Variants in FOXN3 observed in about 807,000 individuals in gnomAD.
The protein encoded by FOXN3 is forkhead box N3.
A neutral mutation model predicts 38.4 loss-of-function variants in FOXN3; 7 were observed. The observed-to-expected ratio is 0.18, with a 90% CI of 0.10 to 0.34. The LOEUF (loss-of-function observed/expected upper bound fraction) is 0.34, where lower values mean the gene tolerates loss of function less well. Among genes scored for constraint, FOXN3 ranks in the 10% least tolerant of loss-of-function variants. The pLI, the probability that FOXN3 is intolerant of heterozygous loss-of-function variation, is 1.00. For synonymous variants in FOXN3, 230 were observed against 242.2 expected (o/e 0.95, Z 0.47); for missense variants, 456 against 613.4 (o/e 0.74, Z 2.71).
At chr14:89,211,041 T>G (rs1396274973) in intron 4 of FOXN3, among the ~76,000 whole-genome samples, 1 of 152,236 alleles carries the variant, frequency 6.6e-6, no homozygotes, top group Non-Finnish European at 1.5e-5. Flanking sequence ...CATAGTGGAT[T>G]TATTGTATTG....
At chr14:89,311,650 C>T (rs369489475) in intron 3 of FOXN3, among the ~76,000 whole-genome samples, 2 of 151,332 alleles carry the variant, frequency 1.3e-5, no homozygotes, top group East Asian at 3.9e-4. Context: ...CCGGATGAAA[C>T]CCCGTCTCTA....
intron 4 of FOXN3, among the ~76,000 whole-genome samples, chr14:89,240,564 T>C (rs1450736546): frequency 1.3e-5 from 2 of 152,122 alleles, no homozygotes; most frequent in African/African-American, 4.8e-5. Flanking sequence ...CAGAGAAAGC[T>C]ACATGATAAA....
intron 1 of FOXN3, among the ~76,000 whole-genome samples, chr14:89,463,065 C>T (rs141210411): frequency 0.036 from 5,424 of 151,082 alleles, 144 homozygotes; most frequent in African/African-American, 0.083. Flanking sequence ...CCAAGGAGGG[C>T]GGATCACGAG....
chr14:89,226,445 T>A (rs1295231433), intron 4 of FOXN3, among the ~76,000 whole-genome samples: 1 of 152,096 alleles, frequency 6.6e-6, no homozygotes, highest in African/African-American at 2.4e-5. Context: ...CCAGGTAAGT[T>A]TTAAATTTTT....
chr14:89,478,232 G>A (rs1196034195), intron 1 of FOXN3, among the ~76,000 whole-genome samples: 1 of 152,110 alleles, frequency 6.6e-6, no homozygotes, highest in African/African-American at 2.4e-5. Context: ...CTTGCTTTCT[G>A]CCATGATTGG....
intron 4 of FOXN3, among the ~76,000 whole-genome samples, chr14:89,203,617 C>T (rs984670129): frequency 3.9e-5 from 6 of 152,098 alleles, no homozygotes; most frequent in Admixed American, 6.6e-5. Flanking sequence ...TTTAAGGAAG[C>T]GGGGGCGTGT....
At chr14:89,508,194 G>C (rs540551594) in intron 1 of FOXN3, among the ~76,000 whole-genome samples, 1 of 152,290 alleles carries the variant, frequency 6.6e-6, no homozygotes, top group African/African-American at 2.4e-5. Flanking sequence ...TGGAACCACT[G>C]GGTGCATAAG....
upstream of FOXN3, among the ~76,000 whole-genome samples, chr14:89,420,593 A>G (rs1434014977): frequency 6.6e-6 from 1 of 152,190 alleles, no homozygotes; most frequent in Non-Finnish European, 1.5e-5. Context: ...GTTCCAAGAG[A>G]AATCGATGGC....
chr14:89,572,745 T>G (rs1476523411), intron 1 of FOXN3, among the ~76,000 whole-genome samples: 1 of 152,226 alleles, frequency 6.6e-6, no homozygotes. Context: ...ATTTTATTTC[T>G]GTGATGACAA....
chr14:89,390,039 G>A (rs894479135), intron 2 of FOXN3, among the ~76,000 whole-genome samples: 2 of 151,896 alleles, frequency 1.3e-5, no homozygotes, highest in Admixed American at 6.6e-5. Flanking sequence ...GGGCAACACA[G>A]TGAGACCTCA....
intron 2 of FOXN3, among the ~76,000 whole-genome samples, chr14:89,371,157 C>T (rs1277444566): frequency 6.6e-6 from 1 of 152,074 alleles, no homozygotes; most frequent in African/African-American, 2.4e-5. Context: ...CCAAGAGTCA[C>T]CAGGGTCAGA....
chr14:89,493,329 T>C (rs1357971146), intron 1 of FOXN3, among the ~76,000 whole-genome samples: 1 of 152,196 alleles, frequency 6.6e-6, no homozygotes. Context: ...AACGTGCACA[T>C]TGAAATCCAT....
intron 3 of FOXN3, among the ~76,000 whole-genome samples, chr14:89,336,169 C>A (rs11627071): frequency 1.3e-3 from 153 of 113,950 alleles, no homozygotes; most frequent in Middle Eastern, 4.5e-3. Context: ...CACACACACA[C>A]ACATTCATAA....
At chr14:89,284,701 T>C (rs1218888322) in intron 3 of FOXN3, among the ~76,000 whole-genome samples, 2 of 152,142 alleles carry the variant, frequency 1.3e-5, no homozygotes, top group East Asian at 1.9e-4. Flanking sequence ...AAAAATCCCA[T>C]GACCTTCAGC....
At chr14:89,237,780 T>A (rs1885023089) in intron 4 of FOXN3, among the ~76,000 whole-genome samples, 1 of 152,234 alleles carries the variant, frequency 6.6e-6, no homozygotes, top group Admixed American at 6.5e-5. Flanking sequence ...CCATGCTTGA[T>A]CTTTACTCTG....
chr14:89,562,051 G>C (rs1895259549), intron 1 of FOXN3, among the ~76,000 whole-genome samples: 1 of 152,084 alleles, frequency 6.6e-6, no homozygotes, highest in South Asian at 2.1e-4. Flanking sequence ...GGTAGACTTG[G>C]ACTTGGTGTA....
At chr14:89,271,299 C>T (rs990602647) in intron 4 of FOXN3, among the ~76,000 whole-genome samples, 54 of 152,202 alleles carry the variant, frequency 3.5e-4, no homozygotes, top group African/African-American at 1.2e-3. Context: ...TTCTAGACTT[C>T]CATTTACAGT....
chr14:89,511,996 G>T (rs1195354917), intron 1 of FOXN3, among the ~76,000 whole-genome samples: 1 of 152,188 alleles, frequency 6.6e-6, no homozygotes, highest in Non-Finnish European at 1.5e-5. Flanking sequence ...GATGCATGGG[G>T]ATTAAGGGAA....
chr14:89,304,838 CG>C (rs900311743), intron 3 of FOXN3, among the ~76,000 whole-genome samples: 2 of 151,000 alleles, frequency 1.3e-5, no homozygotes, highest in Non-Finnish European at 2.9e-5. Context: ...CCTGGTGGAG[CG>C]GGGGACCCTG....
Sources: gnomAD v4.1 joint callset for allele counts (sites outside exome capture counted in the v4.1 genomes callset) on GRCh38, gnomAD v4.1.1 for gene constraint, MANE v1.5 for transcripts, NCBI Gene and HGNC (gene_info 2026-07-23, HGNC 2026-07-21) for gene names.